The following BMPR1B variants were observed in gnomAD, a reference collection of about 807,000 sequenced individuals.
BMPR1B encodes bone morphogenetic protein receptor type-1B.
A neutral mutation model predicts 59.1 loss-of-function variants in BMPR1B; 12 were observed. The observed-to-expected ratio is 0.20, with a 90% CI of 0.13 to 0.33. The LOEUF (loss-of-function observed/expected upper bound fraction) is 0.33, where lower values mean the gene tolerates loss of function less well. Among genes scored for constraint, BMPR1B ranks in the 10% least tolerant of loss-of-function variants. The probability of loss-of-function intolerance (pLI) is 1.00; values close to 1 mark genes in which losing one functional copy is unlikely to be tolerated. For missense variants in BMPR1B, 550 were observed against 610.9 expected (o/e 0.90, Z 1.05); for synonymous variants, 237 against 207.3 (o/e 1.14, Z -1.23).
intron 2 of BMPR1B, among the ~76,000 whole-genome samples, chr4:94,930,721 A>C (rs1412484361): frequency 2.0e-5 from 3 of 152,134 alleles, no homozygotes; most frequent in Middle Eastern, 3.2e-3. Context: ...TATAGTGTGG[A>C]ATGAGCTATT....
rs150783292 is a variant in BMPR1B, at chr4:94,842,636, A to G, written c.-182-33195A>G. Among the ~76,000 whole-genome samples the G allele has an allele frequency of 6.9e-3, 1,043 of 152,204 alleles. 11 individuals carry two copies. Among genetic ancestry groups the G allele is most frequent in the African/African-American group, 0.023 (953 of 41,532 alleles). ...AGTGGCCCAATCTCAGCTCACTGCA[A>G]CCTCCAGAGGATACTTATTTTTTAA... On this transcript the variant is annotated intron_variant, in intron 1 of 12. Transcript: ENST00000515059.
intron 7 of BMPR1B, among the ~76,000 whole-genome samples, chr4:95,124,529 T>G (rs997776920): frequency 3.3e-5 from 5 of 151,966 alleles, no homozygotes; most frequent in Non-Finnish European, 7.4e-5. Flanking sequence ...TGACAAAAAG[T>G]TTTTAAAGAT....
intron 3 of BMPR1B, among the ~76,000 whole-genome samples, chr4:95,087,115 G>A (rs750498567): frequency 1.4e-5 from 2 of 144,236 alleles, no homozygotes; most frequent in Non-Finnish European, 3.0e-5. Context: ...TTCAGCCTCC[G>A]CCTCCAGGCT....
At chr4:94,918,670 TA>T (rs1728576940) in intron 2 of BMPR1B, among the ~76,000 whole-genome samples, 1 of 146,156 alleles carries the variant, frequency 6.8e-6, no homozygotes, top group African/African-American at 2.6e-5. Context: ...GGCAACAGAG[TA>T]AGACACTGTT....
chr4:94,868,833 C>T (rs1251918518), intron 1 of BMPR1B, among the ~76,000 whole-genome samples: 2 of 152,142 alleles, frequency 1.3e-5, no homozygotes, highest in African/African-American at 2.4e-5. Flanking sequence ...ATATATTTCA[C>T]CTCAAGTATT....
chr4:94,946,084 C>T (rs1729699379), intron 2 of BMPR1B, among the ~76,000 whole-genome samples: 1 of 152,022 alleles, frequency 6.6e-6, no homozygotes, highest in Non-Finnish European at 1.5e-5. Flanking sequence ...TAAATCTAAA[C>T]TCTTAGAATA....
intron 1 of BMPR1B, among the ~76,000 whole-genome samples, chr4:94,874,301 T>A (rs1391617348): frequency 6.6e-6 from 1 of 152,274 alleles, no homozygotes; most frequent in South Asian, 2.1e-4. Context: ...TGCTTTCAAT[T>A]CTTTGGATTA....
intron 3 of BMPR1B, among the ~76,000 whole-genome samples, chr4:94,999,253 A>C (rs1326552751): frequency 2.6e-5 from 4 of 152,300 alleles, no homozygotes; most frequent in African/African-American, 9.6e-5. Context: ...AAGTAAACAA[A>C]AACTTTATCA....
At chr4:95,126,884 GCAAATTA>G (rs1386407354) in intron 8 of BMPR1B, among the ~76,000 whole-genome samples, 5 of 152,034 alleles carry the variant, frequency 3.3e-5, no homozygotes, top group African/African-American at 9.7e-5. Flanking sequence ...AACATAATGG[GCAAATTA>G]GTGCCTTATA....
At chr4:94,812,250 C>T (rs1723845755) in intron 1 of BMPR1B, among the ~76,000 whole-genome samples, 1 of 152,094 alleles carries the variant, frequency 6.6e-6, no homozygotes, top group African/African-American at 2.4e-5. Flanking sequence ...GAGCAACAGC[C>T]TAGTATGTTT....
chr4:94,857,058 G>A (rs1725784461), intron 1 of BMPR1B, among the ~76,000 whole-genome samples: 1 of 152,080 alleles, frequency 6.6e-6, no homozygotes, highest in African/African-American at 2.4e-5. Context: ...GAAGTAAAGA[G>A]TATGCTTCAG....
At chr4:95,135,669 T>C (rs1733720697) in intron 10 of BMPR1B, among the ~76,000 whole-genome samples, 1 of 152,214 alleles carries the variant, frequency 6.6e-6, no homozygotes, top group Non-Finnish European at 1.5e-5. Flanking sequence ...TGTTTGTCTG[T>C]TATTTGTGTA....
rs36099576 is a variant in BMPR1B, at chr4:95,088,674, AT to A, written c.-17-15728del. ...TATGGGCTTAATAATAAAAGTGAGTATTTTTTGTTTCCCAAGAAAGAAAGAA... is the reference window on the plus strand; with the variant it reads ...TATGGGCTTAATAATAAAAGTGAGTATTTTTGTTTCCCAAGAAAGAAAGAA... On this transcript the variant is annotated intron_variant, in intron 3 of 12. Transcript: ENST00000515059. 9.0e-3 allele frequency among the ~76,000 whole-genome samples: 1,377 copies of A among 152,228 alleles called. 23 individuals carry two copies. The highest frequency in any genetic ancestry group is 0.032 in the African/African-American group (1,322 of 41,530).
chr4:95,143,511 A>G (rs568589462), intron 10 of BMPR1B, among the ~76,000 whole-genome samples: 1 of 152,242 alleles, frequency 6.6e-6, no homozygotes, highest in South Asian at 2.1e-4. Flanking sequence ...CATAACCTAC[A>G]GAACTGTCAC....
At chr4:95,101,967 A>G (rs1730858170) in intron 3 of BMPR1B, among the ~76,000 whole-genome samples, 1 of 152,136 alleles carries the variant, frequency 6.6e-6, no homozygotes, top group South Asian at 2.1e-4. Flanking sequence ...GGGATTTAAT[A>G]ACTAGAATAC....
chr4:95,041,018 G>A (rs1219802149), intron 3 of BMPR1B, among the ~76,000 whole-genome samples: 2 of 152,154 alleles, frequency 1.3e-5, no homozygotes, highest in African/African-American at 4.8e-5. Context: ...CTCCTTAGTT[G>A]ATTAGAAAGG....
intron 6 of BMPR1B, among the ~76,000 whole-genome samples, chr4:95,116,030 T>C (rs1732004930): frequency 1.3e-5 from 2 of 152,152 alleles, no homozygotes; most frequent in Non-Finnish European, 1.5e-5. Flanking sequence ...AAAATTGCTA[T>C]TCCTAGAGTT....
intron 2 of BMPR1B, among the ~76,000 whole-genome samples, chr4:94,877,203 G>A (rs981178767): frequency 3.3e-5 from 5 of 152,124 alleles, no homozygotes; most frequent in Non-Finnish European, 7.3e-5. Flanking sequence ...AGATGGTTGG[G>A]GAGTAAGCCA....
In BMPR1B at chr4:95,037,252, A is replaced by G. The variant is rs547224960; in HGVS notation, c.-18+41118A>G. Among the ~76,000 whole-genome samples the G allele has an allele frequency of 6.0e-4, 91 of 152,286 alleles. 2 individuals are homozygous for G. The highest frequency in any genetic ancestry group is 5.6e-3 in the East Asian group (29 of 5,176). On this transcript the variant is annotated intron_variant, in intron 3 of 12. Transcript: ENST00000515059. Reference sequence around the variant, plus strand: ...GTGGTTGCAAAGAATGGCTATATCCATGGAGCTGGGGGAGGTATTTGAACA... The same window carrying G: ...GTGGTTGCAAAGAATGGCTATATCCGTGGAGCTGGGGGAGGTATTTGAACA...
Sources: allele counts gnomAD v4.1 joint callset (sites outside exome capture counted in the v4.1 genomes callset), GRCh38; gene constraint gnomAD v4.1.1; transcripts MANE v1.5; gene names NCBI Gene and HGNC (gene_info 2026-07-23, HGNC 2026-07-21).